The following MYO16 variants were observed in gnomAD, a reference collection of about 807,000 sequenced individuals.
MYO16 encodes the protein unconventional myosin-XVI.
Under a neutral mutation model 205.3 loss-of-function variants are expected in MYO16, and 94 were observed. That is an observed-to-expected ratio of 0.46 (90% confidence interval 0.39 to 0.54). The LOEUF is 0.54. Among genes scored for constraint, MYO16 ranks in the 20% least tolerant of loss-of-function variants. The pLI, the probability that MYO16 is intolerant of heterozygous loss-of-function variation, is 0.00. For missense variants in MYO16, 2,315 were observed against 2,387.5 expected (o/e 0.97, Z 0.63); for synonymous variants, 988 against 954.0 (o/e 1.04, Z -0.66).
chr13:108,849,525 TTGTGTGTGTG>T (rs112815062), intron 10 of MYO16, among the ~76,000 whole-genome samples: 2 of 127,752 alleles, frequency 1.6e-5, no homozygotes, highest in Non-Finnish European at 3.3e-5. Flanking sequence ...ATTTCCTCCT[TTGTGTGTGTG>T]TGTGTGTGTG....
intron 8 of MYO16, among the ~76,000 whole-genome samples, chr13:108,820,703 C>A (rs146596891): frequency 6.6e-6 from 1 of 152,102 alleles, no homozygotes; most frequent in Non-Finnish European, 1.5e-5. Context: ...GTGATTCATT[C>A]AGTGTAACGT....
intron 10 of MYO16, among the ~76,000 whole-genome samples, chr13:108,848,890 C>T (rs1481200651): frequency 1.3e-5 from 2 of 152,130 alleles, no homozygotes; most frequent in Non-Finnish European, 2.9e-5. Flanking sequence ...CTTTTGGGGG[C>T]ACCACAGCAG....
intron 4 of MYO16, among the ~76,000 whole-genome samples, chr13:108,777,517 G>C (rs1393336559): frequency 6.6e-6 from 1 of 152,112 alleles, no homozygotes; most frequent in Non-Finnish European, 1.5e-5. Context: ...TGCATGGTGG[G>C]GAAATTCACG....
At chr13:108,716,655 C>G (rs1006057552) in intron 3 of MYO16, among the ~76,000 whole-genome samples, 1 of 152,114 alleles carries the variant, frequency 6.6e-6, no homozygotes, top group Non-Finnish European at 1.5e-5. Context: ...TTGGCCTCAC[C>G]TTTTGGGCGT....
At chr13:108,543,644 GA>G in the MYO16 span, among the ~76,000 whole-genome samples, 21,212 of 77,810 alleles carry the variant, frequency 0.27, 1,902 homozygotes, top group African/African-American at 0.34. Context: ...TCCCTCTCAA[GA>G]AAAAAAAAAA....
At chr13:108,769,882 T>C (rs1329621394) in intron 4 of MYO16, among the ~76,000 whole-genome samples, 4 of 152,170 alleles carry the variant, frequency 2.6e-5, no homozygotes, top group Non-Finnish European at 5.9e-5. Context: ...CCCTAATAAT[T>C]TTATATGATT....
chr13:108,616,641 G>C (rs1879359913), intron 1 of MYO16, among the ~76,000 whole-genome samples: 1 of 152,036 alleles, frequency 6.6e-6, no homozygotes, highest in Non-Finnish European at 1.5e-5. Flanking sequence ...TTCTTGGTCT[G>C]GAATTTGAAT....
intron 1 of MYO16, among the ~76,000 whole-genome samples, chr13:108,632,503 GGGA>G (rs1880033412): frequency 6.6e-6 from 1 of 152,152 alleles, no homozygotes; most frequent in African/African-American, 2.4e-5. Flanking sequence ...TTAGTCACCT[GGGA>G]AAATACTCAT....
At chr13:108,748,293 T>C (rs1284493886) in intron 4 of MYO16, among the ~76,000 whole-genome samples, 1 of 152,106 alleles carries the variant, frequency 6.6e-6, no homozygotes. Context: ...ATTTAAAATA[T>C]ATTTTCAGCT....
At chr13:109,160,598 G>A (rs1878334012) in intron 32 of MYO16, among the ~76,000 whole-genome samples, 1 of 152,054 alleles carries the variant, frequency 6.6e-6, no homozygotes. Context: ...TAGATACAGA[G>A]GCACAAAAAT....
intron 2 of MYO16, among the ~76,000 whole-genome samples, chr13:108,666,659 G>A (rs1231208670): frequency 1.3e-5 from 2 of 152,100 alleles, no homozygotes; most frequent in Non-Finnish European, 2.9e-5. Flanking sequence ...CTTAGCTCAT[G>A]CTTTGATAGA....
chr13:108,518,122 C>T, the MYO16 span, among the ~76,000 whole-genome samples: 1 of 152,120 alleles, frequency 6.6e-6, no homozygotes, highest in East Asian at 1.9e-4. Flanking sequence ...TGGCTAATGC[C>T]CAGAAAGAAT....
At chr13:109,019,402 G>C (rs1002630267) in intron 22 of MYO16, among the ~76,000 whole-genome samples, 9 of 152,028 alleles carry the variant, frequency 5.9e-5, no homozygotes, top group African/African-American at 2.2e-4. Flanking sequence ...TTTTCCTGTA[G>C]TCTGAATTTC....
At chr13:108,510,120 C>T in the MYO16 span, among the ~76,000 whole-genome samples, 3 of 151,966 alleles carry the variant, frequency 2.0e-5, no homozygotes, top group Non-Finnish European at 2.9e-5. Context: ...TGTTTGTTTT[C>T]GTTTTTTGTT....
At chr13:108,995,356 C>G (rs1041686450) in intron 21 of MYO16, among the ~76,000 whole-genome samples, 1 of 152,182 alleles carries the variant, frequency 6.6e-6, no homozygotes, top group African/African-American at 2.4e-5. Flanking sequence ...GCCCCACCTT[C>G]TAATCCCATC....
At chr13:109,181,827 T>A (rs867738082) in intron 34 of MYO16, among the ~76,000 whole-genome samples, 2 of 141,816 alleles carry the variant, frequency 1.4e-5, no homozygotes, top group African/African-American at 2.7e-5. Context: ...TTTTATTTTA[T>A]TTTTTTTTTT....
intron 2 of MYO16, among the ~76,000 whole-genome samples, chr13:108,675,797 G>A (rs1882178216): frequency 6.6e-6 from 1 of 152,186 alleles, no homozygotes; most frequent in African/African-American, 2.4e-5. Flanking sequence ...CATGATAGAA[G>A]CAGCATTACT....
At chr13:109,085,070 G>A (rs1888397902) in intron 27 of MYO16, among the ~76,000 whole-genome samples, 2 of 152,202 alleles carry the variant, frequency 1.3e-5, no homozygotes, top group Admixed American at 1.3e-4. Context: ...GGGAGCATGT[G>A]AGTTCAGCAG....
At chr13:108,885,741 ATCATTGCAGCTGTT>A (rs1241888322) in intron 13 of MYO16, among the ~76,000 whole-genome samples, 2 of 152,118 alleles carry the variant, frequency 1.3e-5, no homozygotes, top group Non-Finnish European at 2.9e-5. Context: ...TTCTAGGATG[ATCATTGCAGCTGTT>A]ATAGGTCAGT....
Sources: gnomAD v4.1 joint callset for allele counts (sites outside exome capture counted in the v4.1 genomes callset) on GRCh38, gnomAD v4.1.1 for gene constraint, MANE v1.5 for transcripts, NCBI Gene and HGNC (gene_info 2026-07-23, HGNC 2026-07-21) for gene names.